The following ANO3 variants were observed in gnomAD, a reference collection of about 807,000 sequenced individuals.
The protein encoded by ANO3 is anoctamin 3.
Under a neutral mutation model 144.8 loss-of-function variants are expected in ANO3, and 99 were observed. The observed-to-expected ratio is 0.68, with a 90% CI of 0.58 to 0.81. ANO3 has a LOEUF of 0.81. Among genes scored for constraint, ANO3 ranks in the 30% least tolerant of loss-of-function variants. The pLI is 0.00. For synonymous variants in ANO3, 414 were observed against 392.6 expected (o/e 1.05, Z -0.64); for missense variants, 905 against 1,202.2 (o/e 0.75, Z 3.66).
intron 11 of ANO3, among the ~76,000 whole-genome samples, chr11:26,545,594 T>A (rs539490666): frequency 1.7e-3 from 254 of 152,046 alleles, no homozygotes; most frequent in African/African-American, 5.8e-3. Context: ...TTGAAAACAA[T>A]GTCACTGAAG....
chr11:26,382,564 T>C (rs566512633), intron 1 of ANO3, among the ~76,000 whole-genome samples: 1 of 152,286 alleles, frequency 6.6e-6, no homozygotes, highest in East Asian at 1.9e-4. Flanking sequence ...CTAAGAAGCA[T>C]CAGTCATAGA....
chr11:26,395,256 G>A (rs1012167164), intron 1 of ANO3, among the ~76,000 whole-genome samples: 1 of 151,544 alleles, frequency 6.6e-6, no homozygotes, highest in Non-Finnish European at 1.5e-5. Context: ...TTGGCTATAT[G>A]GGTTCTTTTA....
intron 3 of ANO3, among the ~76,000 whole-genome samples, chr11:26,446,516 A>G (rs1367641610): frequency 6.6e-6 from 1 of 152,250 alleles, no homozygotes; most frequent in Non-Finnish European, 1.5e-5. Flanking sequence ...AAGGAGAACC[A>G]TGAAGGAAAA....
intron 4 of ANO3, among the ~76,000 whole-genome samples, chr11:26,463,482 A>G (rs1158901812): frequency 4.6e-5 from 7 of 151,876 alleles, no homozygotes; most frequent in Non-Finnish European, 8.8e-5. Context: ...ACCAAGATTT[A>G]AATTCCATTT....
chr11:26,558,060 A>G (rs556924215), intron 13 of ANO3, among the ~76,000 whole-genome samples: 1 of 152,276 alleles, frequency 6.6e-6, no homozygotes, highest in African/African-American at 2.4e-5. Flanking sequence ...CTCCAACTTT[A>G]TCTCAGGAAG....
At chr11:26,298,641 C>G (rs1436579396) in intron 1 of ANO3, among the ~76,000 whole-genome samples, 3 of 152,172 alleles carry the variant, frequency 2.0e-5, no homozygotes, top group African/African-American at 7.2e-5. Context: ...TTTAATATCA[C>G]CTAGCTCATG....
chr11:26,486,846 T>A (rs1860470999), intron 4 of ANO3, among the ~76,000 whole-genome samples: 1 of 152,206 alleles, frequency 6.6e-6, no homozygotes, highest in South Asian at 2.1e-4. Context: ...GGTCCTAAAG[T>A]GGTACTGGGT....
At chr11:26,250,186 A>G (rs1300075490) in intron 1 of ANO3, among the ~76,000 whole-genome samples, 1 of 152,234 alleles carries the variant, frequency 6.6e-6, no homozygotes, top group African/African-American at 2.4e-5. Context: ...AAGCCTGCTC[A>G]TTAACCTCTG....
At chr11:26,310,877 T>C (rs900131597) in intron 1 of ANO3, among the ~76,000 whole-genome samples, 1 of 152,182 alleles carries the variant, frequency 6.6e-6, no homozygotes, top group Admixed American at 6.6e-5. Context: ...TCTCTCACCA[T>C]ACACACAGTA....
intron 8 of ANO3, 94 bp downstream of exon 8, chr11:26,531,430 C>A: frequency 1.5e-6 from 2 of 1,361,656 alleles, no homozygotes; most frequent in South Asian, 1.5e-5. Context: ...CCATTGTTTA[C>A]CAAATACGTC....
intron 17 of ANO3, among the ~76,000 whole-genome samples, chr11:26,601,316 C>G (rs1212845351): frequency 2.0e-5 from 3 of 152,132 alleles, no homozygotes; most frequent in Non-Finnish European, 4.4e-5. Flanking sequence ...TGCTATTTAA[C>G]TTTAAAACAA....
At chr11:26,634,861 CT>C in intron 19 of ANO3, 151 bp from the exon 20 acceptor site, 1 of 597,040 alleles carries the variant, frequency 1.7e-6, no homozygotes, top group Non-Finnish European at 3.1e-6. Flanking sequence ...AAGTCAGATA[CT>C]TTGATGTTTA....
At chr11:26,439,873 TTTTTAA>T (rs907097036) in intron 1 of ANO3, among the ~76,000 whole-genome samples, 6 of 152,334 alleles carry the variant, frequency 3.9e-5, no homozygotes, top group East Asian at 1.9e-4. Flanking sequence ...CAAATTTTAA[TTTTTAA>T]TTTTATTTAC....
chr11:26,256,527 G>A (rs1853060420), intron 1 of ANO3, among the ~76,000 whole-genome samples: 1 of 149,726 alleles, frequency 6.7e-6, no homozygotes, highest in African/African-American at 2.5e-5. Flanking sequence ...AACTATATAA[G>A]TTAGACCAGG....
chr11:26,531,392 T>C (rs1264872592), intron 8 of ANO3, 56 bp downstream of exon 8: 38 of 1,540,558 alleles, frequency 2.5e-5, no homozygotes, highest in Non-Finnish European at 3.1e-5. Flanking sequence ...GGGGCTTGTT[T>C]ATAGAATAAA....
At chr11:26,644,948 G>A (rs1175657961) in intron 23 of ANO3, among the ~76,000 whole-genome samples, 2 of 151,366 alleles carry the variant, frequency 1.3e-5, no homozygotes, top group African/African-American at 4.9e-5. Context: ...ACTTTATTTT[G>A]GATAAGGTTT....
chr11:26,396,133 T>G (rs944365149), intron 1 of ANO3, among the ~76,000 whole-genome samples: 6 of 152,184 alleles, frequency 3.9e-5, no homozygotes, highest in Admixed American at 2.0e-4. Flanking sequence ...GCGAAGGATA[T>G]GAACAGACAC....
chr11:26,439,329 T>G (rs1858428436), intron 1 of ANO3, among the ~76,000 whole-genome samples: 1 of 152,204 alleles, frequency 6.6e-6, no homozygotes, highest in Non-Finnish European at 1.5e-5. Flanking sequence ...TAAATTGAAC[T>G]TTATCAAAAT....
At chr11:26,608,424 A>G (rs1301569274) in intron 17 of ANO3, among the ~76,000 whole-genome samples, 1 of 152,160 alleles carries the variant, frequency 6.6e-6, no homozygotes, top group African/African-American at 2.4e-5. Context: ...GTTGGGTGGC[A>G]CGGAGTACAG....
Sources: gnomAD v4.1 joint callset for allele counts (sites outside exome capture counted in the v4.1 genomes callset) on GRCh38, gnomAD v4.1.1 for gene constraint, MANE v1.5 for transcripts, NCBI Gene and HGNC (gene_info 2026-07-23, HGNC 2026-07-21) for gene names.